Variants in PTPRO observed in about 807,000 individuals in gnomAD.
PTPRO encodes the protein receptor-type tyrosine-protein phosphatase O.
Under a neutral mutation model 145.2 loss-of-function variants are expected in PTPRO, and 62 were observed. The ratio of observed to expected loss-of-function variants is 0.43; its 90% CI spans 0.35 to 0.53. The LOEUF (loss-of-function observed/expected upper bound fraction) is 0.53, where lower values mean the gene tolerates loss of function less well. PTPRO is among the 20% of genes least tolerant of loss of function. The probability of loss-of-function intolerance (pLI) is 0.01; values close to 1 mark genes in which losing one functional copy is unlikely to be tolerated. For synonymous variants in PTPRO, 565 were observed against 514.7 expected, an observed-to-expected ratio of 1.10 and a Z score of -1.32; for missense variants, 1,345 against 1,482.7, an observed-to-expected ratio of 0.91 and a Z score of 1.53.
intron 12 of PTPRO, among the ~76,000 whole-genome samples, chr12:15,544,036 C>CATTTA (rs1943228633): frequency 6.6e-6 from 1 of 152,102 alleles, no homozygotes; most frequent in African/African-American, 2.4e-5. Flanking sequence ...ACAGACAATG[C>CATTTA]ACAGATAGGA....
chr12:15,578,725 C>G (rs1944241152), intron 19 of PTPRO, 128 bp from the exon 20 acceptor site: 4 of 735,130 alleles, frequency 5.4e-6, no homozygotes, highest in Non-Finnish European at 9.7e-6. Context: ...GGGTGGAGTA[C>G]CTTCCACCTC....
chr12:15,553,959 C>T (rs1037785496), intron 15 of PTPRO, among the ~76,000 whole-genome samples: 1 of 152,190 alleles, frequency 6.6e-6, no homozygotes, highest in African/African-American at 2.4e-5. Flanking sequence ...CTTTGGGAGG[C>T]TGAGCCAGGT....
At chr12:15,386,501 A>G (rs954456720) in intron 1 of PTPRO, among the ~76,000 whole-genome samples, 1 of 150,622 alleles carries the variant, frequency 6.6e-6, no homozygotes, top group Admixed American at 6.7e-5. Context: ...ATATTTATTG[A>G]TATATATATT....
At chr12:15,388,619 T>A (rs963926131) in intron 1 of PTPRO, among the ~76,000 whole-genome samples, 7 of 152,226 alleles carry the variant, frequency 4.6e-5, no homozygotes, top group Non-Finnish European at 1.5e-5. Flanking sequence ...AGATACACCA[T>A]GTGGGTATTT....
At chr12:15,539,060 C>A (rs1943125279) in intron 12 of PTPRO, among the ~76,000 whole-genome samples, 1 of 149,806 alleles carries the variant, frequency 6.7e-6, no homozygotes. Context: ...TGACTCCTAA[C>A]AAAATAAAAA....
chr12:15,485,353 G>C (rs1442047821), intron 2 of PTPRO, among the ~76,000 whole-genome samples: 1 of 152,032 alleles, frequency 6.6e-6, no homozygotes, highest in Non-Finnish European at 1.5e-5. Flanking sequence ...GAACTTACCT[G>C]GTAAAATACT....
At chr12:15,451,294 T>A (rs985362719) in intron 1 of PTPRO, among the ~76,000 whole-genome samples, 13 of 151,874 alleles carry the variant, frequency 8.6e-5, no homozygotes, top group African/African-American at 3.1e-4. Context: ...CACAATCCTA[T>A]ATACATATAT....
intron 1 of PTPRO, among the ~76,000 whole-genome samples, chr12:15,480,585 A>G (rs900254247): frequency 6.6e-6 from 1 of 152,060 alleles, no homozygotes; most frequent in Non-Finnish European, 1.5e-5. Flanking sequence ...AGGATTACCT[A>G]CTCACTTTCC....
At chr12:15,474,367 C>T (rs529038373) in intron 1 of PTPRO, among the ~76,000 whole-genome samples, 1 of 152,190 alleles carries the variant, frequency 6.6e-6, no homozygotes, top group Non-Finnish European at 1.5e-5. Flanking sequence ...GCTTCCAGAA[C>T]AGGTCACAGG....
chr12:15,442,850 A>T (rs1317747845), intron 1 of PTPRO, among the ~76,000 whole-genome samples: 1 of 152,172 alleles, frequency 6.6e-6, no homozygotes, highest in Non-Finnish European at 1.5e-5. Flanking sequence ...AAAACATTCC[A>T]TGCTCATAGA....
chr12:15,594,461 GA>G (rs2135681365), intron 25 of PTPRO, among the ~76,000 whole-genome samples: 1 of 151,328 alleles, frequency 6.6e-6, no homozygotes, highest in African/African-American at 2.4e-5. Context: ...TTGTATACTT[GA>G]AATTTGCTAG....
intron 1 of PTPRO, among the ~76,000 whole-genome samples, chr12:15,434,045 C>T (rs959359287): frequency 8.5e-5 from 13 of 152,232 alleles, no homozygotes; most frequent in Admixed American, 2.0e-4. Context: ...ACTGAATTCC[C>T]TGTTAATATG....
At chr12:15,336,154 G>A (rs1866755342) in intron 1 of PTPRO, among the ~76,000 whole-genome samples, 1 of 151,536 alleles carries the variant, frequency 6.6e-6, no homozygotes, top group Non-Finnish European at 1.5e-5. Context: ...CCTAAACACT[G>A]CATTCCAAAA....
chr12:15,498,516 T>C (rs1364499876), intron 3 of PTPRO, among the ~76,000 whole-genome samples: 2 of 152,112 alleles, frequency 1.3e-5, no homozygotes, highest in Non-Finnish European at 2.9e-5. Context: ...CTAAATCACA[T>C]GACTGCACTC....
intron 12 of PTPRO, among the ~76,000 whole-genome samples, chr12:15,543,275 A>C (rs1356381109): frequency 6.6e-6 from 1 of 152,176 alleles, no homozygotes; most frequent in South Asian, 2.1e-4. Flanking sequence ...CCAAAAAGAA[A>C]AATTTGTTAC....
intron 7 of PTPRO, among the ~76,000 whole-genome samples, chr12:15,510,451 C>A (rs1262070563): frequency 6.6e-6 from 1 of 152,206 alleles, no homozygotes; most frequent in Non-Finnish European, 1.5e-5. Flanking sequence ...AGGTACATTT[C>A]TCCCCTTGCC....
chr12:15,451,513 A>G (rs1241500778), intron 1 of PTPRO, among the ~76,000 whole-genome samples: 1 of 152,206 alleles, frequency 6.6e-6, no homozygotes, highest in Admixed American at 6.5e-5. Flanking sequence ...ATATTTACAG[A>G]ACATTCTCCC....
chr12:15,453,736 T>G (rs1941105595), intron 1 of PTPRO, among the ~76,000 whole-genome samples: 1 of 152,168 alleles, frequency 6.6e-6, no homozygotes, highest in African/African-American at 2.4e-5. Flanking sequence ...AACTCTTCAT[T>G]TTCTCTTCCC....
In PTPRO at chr12:15,528,803, T is replaced by C. The variant is rs564857854; in HGVS notation, c.2164+2541T>C. ...CAAGAGAAAAGGAGCAAATAACAGG[T>C]AAACAAGCTGCAATTCACCTGGCAA... On this transcript the variant is annotated intron_variant, in intron 12 of 26. Coordinates refer to ENST00000281171, the MANE Select transcript of PTPRO (RefSeq NM_030667.3). Among the ~76,000 whole-genome samples the C allele has an allele frequency of 4.0e-5, 6 of 151,842 alleles. 1 individual carries two copies. The highest frequency in any genetic ancestry group is 7.4e-5 in the Non-Finnish European group (5 of 67,924).
Sources: allele counts gnomAD v4.1 joint callset (sites outside exome capture counted in the v4.1 genomes callset), GRCh38; gene constraint gnomAD v4.1.1; transcripts MANE v1.5; gene names NCBI Gene and HGNC (gene_info 2026-07-23, HGNC 2026-07-21).